Variants in PRPF4 observed in about 807,000 individuals in gnomAD.
PRPF4 encodes the protein pre-mRNA splicing tri-snRNP complex factor PRPF4.
In PRPF4, 14 loss-of-function variants were observed where a neutral mutation model predicts 72.2. That is an observed-to-expected ratio of 0.19 (90% CI 0.13 to 0.30). The LOEUF is 0.30. Among genes scored for constraint, PRPF4 ranks in the 10% least tolerant of loss-of-function variants. PRPF4 has a pLI of 1.00. For synonymous variants in PRPF4, 225 were observed against 232.2 expected, an observed-to-expected ratio of 0.97 and a Z score of 0.28; for missense variants, 478 against 653.9, an observed-to-expected ratio of 0.73 and a Z score of 2.93.
intron 6 of PRPF4, 37 bp downstream of exon 6, chr9:113,283,519 G>C (rs373310089): frequency 6.2e-7 from 1 of 1,604,776 alleles, no homozygotes; most frequent in Non-Finnish European, 8.5e-7. Context: ...CATCTTAAAG[G>C]TTCTTCATGT....
intron 11 of PRPF4, 26 bp downstream of exon 11, chr9:113,290,614 G>A: frequency 1.2e-6 from 2 of 1,614,060 alleles, no homozygotes; most frequent in Non-Finnish European, 1.7e-6. Context: ...TGTAGTCAGG[G>A]GCAGTTCAGT....
chr9:113,279,237 T>C (rs958240147), intron 3 of PRPF4, 106 bp downstream of exon 3: 23 of 1,043,068 alleles, frequency 2.2e-5, no homozygotes, highest in Non-Finnish European at 2.9e-5. Context: ...TCTCAAATCA[T>C]GTTAACAATA....
At chr9:113,279,179 T>A (rs1365485545) in intron 3 of PRPF4, 48 bp downstream of exon 3, 5 of 1,518,298 alleles carry the variant, frequency 3.3e-6, no homozygotes, top group Non-Finnish European at 4.4e-6. Flanking sequence ...AATCACAGGG[T>A]TCTACTCCAA....
Position 113,291,575 on chromosome 9 carries a change from T to C in PRPF4, c.1481T>C (p.Val494Ala). The C allele has an allele frequency of 6.2e-7, 1 of 1,614,138 alleles. No individual in the cohort carries two copies. Among genetic ancestry groups the C allele is most frequent in the Non-Finnish European group, 8.5e-7 (1 of 1,180,036 alleles). Reference sequence around the variant, plus strand: ...ACTCTGGCTGGCCACGAAGGCAAAGTGATGGGCCTAGATATTTCTTCCGAT... The same window carrying C: ...ACTCTGGCTGGCCACGAAGGCAAAGCGATGGGCCTAGATATTTCTTCCGAT... Reference protein sequence around the residue: ...LKTLAGHEGKVMGLDISSDGQ... With the variant: ...LKTLAGHEGKAMGLDISSDGQ... The change falls in exon 14 of 14, where the codon GTG becomes GCG. Residue 494 changes from valine to alanine, a missense_variant. Val to Ala is a moderately conservative substitution (Grantham distance 64, BLOSUM62 0). Coordinates refer to ENST00000374198, the MANE Select transcript of PRPF4 (RefSeq NM_001244926.2).
intron 8 of PRPF4, 112 bp downstream of exon 8, chr9:113,286,402 G>C: frequency 1.8e-6 from 2 of 1,108,356 alleles, no homozygotes; most frequent in Non-Finnish European, 2.7e-6. Context: ...TCCTTGATTT[G>C]ATTTGACTTG....
At position 113,286,258 on chromosome 9, in the gene PRPF4, T is replaced by C; in HGVS notation, c.776T>C (p.Val259Ala). The change falls in exon 8 of 14, where the codon GTT (valine) becomes GCT (alanine). Residue 259 changes from valine to alanine, a missense_variant. Transcript: ENST00000374198. Reference sequence around the variant, plus strand: ...AGTGGGCTTTGCAAGCTCTGGTCTGTTCCTGATTGCAACCTCCTTCACACT... The same window carrying C: ...AGTGGGCTTTGCAAGCTCTGGTCTGCTCCTGATTGCAACCTCCTTCACACT... ...CWSGLCKLWSVPDCNLLHTLR... is the reference protein window; with the variant it reads ...CWSGLCKLWSAPDCNLLHTLR... 1.2e-6 allele frequency: 2 copies of C among 1,613,968 alleles called. No homozygotes were observed. Among genetic ancestry groups the C allele is most frequent in the Non-Finnish European group, 1.7e-6 (2 of 1,179,822 alleles).
In PRPF4 at chr9:113,291,899, G is replaced by A. The variant is rs778594452; in HGVS notation, c.*239G>A. 31 of 387,752 alleles carry A rather than the reference G, an allele frequency of 8.0e-5. No individual in the cohort carries two copies. Among genetic ancestry groups the A allele is most frequent in the Non-Finnish European group, 1.2e-4 (26 of 214,136 alleles). The allele number at this position is 387,752 out of a possible 1,614,324, so 24.0% of individuals were successfully genotyped here. On this transcript the variant is annotated 3_prime_UTR_variant, in exon 14 of 14. Coordinates refer to ENST00000374198, the MANE Select transcript of PRPF4 (RefSeq NM_001244926.2). Reference sequence around the variant, plus strand: ...ACCTTTTTACGCCCTGCCACGAACTGTGTAGACATTGTTTTTATTAATCTT... The same window carrying A: ...ACCTTTTTACGCCCTGCCACGAACTATGTAGACATTGTTTTTATTAATCTT...
chr9:113,290,677 T>A (rs1832583790), intron 11 of PRPF4, 23 bp from the exon 12 acceptor site: 5 of 1,614,182 alleles, frequency 3.1e-6, no homozygotes, highest in Non-Finnish European at 4.2e-6. Context: ...TTCAAAGTGT[T>A]CATTTCTAAA....
chr9:113,288,680 TC>T (rs1313510300), intron 10 of PRPF4, among the ~76,000 whole-genome samples: 1 of 151,972 alleles, frequency 6.6e-6, no homozygotes, highest in Non-Finnish European at 1.5e-5. Flanking sequence ...CAGGTGATCT[TC>T]CCGCCTCAGC....
chr9:113,281,244 C>T (rs1196844340), intron 3 of PRPF4, among the ~76,000 whole-genome samples: 1 of 152,204 alleles, frequency 6.6e-6, no homozygotes, highest in Admixed American at 6.5e-5. Context: ...TTCAAAGAAG[C>T]CTTTCGTCAC....
At position 113,280,954 on chromosome 9, in the gene PRPF4, C is replaced by T. The variant is rs151291916; in HGVS notation, c.393-1692C>T. The stretch of plus-strand genomic sequence containing the variant: ...CTCCCAGGTACAAGCCATTCTCCTG[C>T]CTCAGCCTCCCAAGTAGCTGGGACT... On this transcript the variant is annotated intron_variant, in intron 3 of 13. Coordinates refer to ENST00000374198, the MANE Select transcript of PRPF4 (RefSeq NM_001244926.2). Among the ~76,000 whole-genome samples the T allele has an allele frequency of 6.6e-3, 1,011 of 152,266 alleles. 82 individuals carry two copies. In the East Asian group the frequency reaches 0.17, roughly 26 times the overall value.
chr9:113,286,274 C>A lies in PRPF4; in HGVS notation c.792C>A (p.Leu264=), dbSNP rs1481217985. 1 of 1,612,554 alleles carries A rather than the reference C, an allele frequency of 6.2e-7. No homozygotes were observed. Among genetic ancestry groups the A allele is most frequent in the African/African-American group, 1.3e-5 (1 of 74,882 alleles). Residue 264 remains leucine, a synonymous_variant, in exon 8 of 14, where the codon CTC becomes CTA. Coordinates refer to ENST00000374198, the MANE Select transcript of PRPF4 (RefSeq NM_001244926.2). The stretch of plus-strand genomic sequence containing the variant: ...TCTGGTCTGTTCCTGATTGCAACCT[C>A]CTTCACACTCTTCGAGGTAAGTTAG... ...CKLWSVPDCN[L]LHTLRGHNTN...
chr9:113,288,053 C>T (rs41276783), intron 9 of PRPF4, 122 bp from the exon 10 acceptor site: 1 of 833,574 alleles, frequency 1.2e-6, no homozygotes, highest in Non-Finnish European at 1.9e-6. Flanking sequence ...AAGTAGTTTA[C>T]AAGTGTAGTT....
chr9:113,277,064 C>T (rs1219274897), intron 2 of PRPF4, among the ~76,000 whole-genome samples: 2 of 152,092 alleles, frequency 1.3e-5, no homozygotes, highest in East Asian at 1.9e-4. Flanking sequence ...CCGCCCGCCT[C>T]GTCCTCCTAA....
Position 113,282,713 on chromosome 9 carries a change from T to G in PRPF4, c.460T>G (p.Ser154Ala), listed in dbSNP as rs374906997. The G allele has an allele frequency of 1.2e-6, 2 of 1,608,984 alleles. No individual in the cohort carries two copies. Among genetic ancestry groups the G allele is most frequent in the Non-Finnish European group, 1.7e-6 (2 of 1,175,988 alleles). Residue 154 changes from serine (S) to alanine (A), a missense_variant, in exon 4 of 14, where the codon TCT becomes GCT. By Grantham distance (99) the Ser-to-Ala change is moderately conservative (BLOSUM62 1). Coordinates refer to ENST00000374198, the MANE Select transcript of PRPF4 (RefSeq NM_001244926.2). The part of the protein sequence containing the change: ...LKKTKKDDEK[S>A]KKSKEEYQQT... ...AAAGACCAAAAAGGATGATGAGAAG[T>G]CTAAAAAGTCCAAAGAAGAGGTAGA...
rs1490095365 is a variant in PRPF4, at chr9:113,292,780, A to G, written c.*1120A>G. On this transcript the variant is annotated 3_prime_UTR_variant, in exon 14 of 14. Coordinates refer to ENST00000374198, the MANE Select transcript of PRPF4 (RefSeq NM_001244926.2). ...AGGGTACTTTATGTTGAAGTAACGAAAAAACCCTAATGGGTGTTCCTAAAC... is the reference window on the plus strand; with the variant it reads ...AGGGTACTTTATGTTGAAGTAACGAGAAAACCCTAATGGGTGTTCCTAAAC... The G allele has an allele frequency of 6.6e-6, 1 of 152,200 alleles. No homozygotes were observed. The highest frequency in any genetic ancestry group is 1.5e-5 in the Non-Finnish European group (1 of 68,034). The allele number at this position is 152,200 out of a possible 1,614,324, so 9.4% of individuals were successfully genotyped here. A position where few individuals can be genotyped will look rare whatever the true frequency, so the allele number is the denominator to read the frequency against.
intron 13 of PRPF4, 134 bp from the exon 14 acceptor site, chr9:113,291,333 A>T: frequency 1.2e-6 from 1 of 863,170 alleles, no homozygotes; most frequent in Non-Finnish European, 1.8e-6. Flanking sequence ...AAAAGACCTT[A>T]CTGTTATTTG....
chr9:113,286,358 G>A, intron 8 of PRPF4, 68 bp downstream of exon 8: 1 of 1,393,704 alleles, frequency 7.2e-7, no homozygotes, highest in South Asian at 1.2e-5. Flanking sequence ...CTTAAACTCT[G>A]CTTGACACTC....
chr9:113,289,444 G>A (rs751328548), intron 10 of PRPF4, among the ~76,000 whole-genome samples: 4 of 152,128 alleles, frequency 2.6e-5, no homozygotes, highest in Admixed American at 6.6e-5. Flanking sequence ...TTACATTCCC[G>A]GAGTTCTGGT....
Sources: gnomAD v4.1 joint callset for allele counts (sites outside exome capture counted in the v4.1 genomes callset) on GRCh38, gnomAD v4.1.1 for gene constraint, MANE v1.5 for transcripts, NCBI Gene and HGNC (gene_info 2026-07-23, HGNC 2026-07-21) for gene names.